SCUBE1: variants seen among roughly 807,000 people sequenced by gnomAD.
SCUBE1 encodes the protein signal peptide, CUB domain and EGF like domain containing 1, also known as signal peptide, CUB and EGF-like domain-containing protein 1.
SCUBE1 carries 59 observed loss-of-function variants against 124.4 expected under a neutral mutation model. That is an observed-to-expected ratio of 0.47 (90% CI 0.38 to 0.59). The LOEUF (loss-of-function observed/expected upper bound fraction) is 0.59, where lower values mean the gene tolerates loss of function less well. Ranked by LOEUF, SCUBE1 falls within the 20% of genes least tolerant of loss-of-function variation. The pLI is 0.00. For synonymous variants in SCUBE1, 545 were observed against 550.9 expected (o/e 0.99, Z 0.15); for missense variants, 1,150 against 1,371.2 (o/e 0.84, Z 2.55).
intron 21 of SCUBE1, among the ~76,000 whole-genome samples, chr22:43,205,557 C>T (rs1921194180): frequency 6.6e-6 from 1 of 151,772 alleles, no homozygotes; most frequent in African/African-American, 2.4e-5. Flanking sequence ...ACACACTCAT[C>T]TCTGTGTACA....
chr22:43,222,429 T>A (rs1922128933), intron 12 of SCUBE1, among the ~76,000 whole-genome samples: 1 of 151,880 alleles, frequency 6.6e-6, no homozygotes. Context: ...CCTCCCACGG[T>A]CCCCTGACCC....
rs903960136 is a variant in SCUBE1, at chr22:43,223,826, G to C, written c.1208-610C>G. On this transcript the variant is annotated intron_variant, in intron 10 of 21. Transcript: ENST00000360835. ...CACGCCTCTGAAAGCCACCTCATGA[G>C]TGACAGCCTCGCACTCTGGTCAGTC... Among the ~76,000 whole-genome samples, 3 of 152,224 alleles carry C rather than the reference G, an allele frequency of 2.0e-5. No individual in the cohort carries two copies. In the South Asian group the frequency reaches 6.2e-4, roughly 31 times the overall value.
chr22:43,247,650 C>T (rs1389252495), intron 6 of SCUBE1, among the ~76,000 whole-genome samples: 7 of 152,222 alleles, frequency 4.6e-5, no homozygotes, highest in Non-Finnish European at 8.8e-5. Flanking sequence ...ACCTGGCCCG[C>T]CCTTAGCTGG....
intron 7 of SCUBE1, 92 bp downstream of exon 7, chr22:43,238,746 C>T: frequency 9.6e-7 from 1 of 1,044,100 alleles, no homozygotes; most frequent in Non-Finnish European, 1.5e-6. Context: ...GGCCCCCGTT[C>T]AGCCCAGCCC....
Position 43,218,356 on chromosome 22 carries a change from TG to T in SCUBE1, c.1789del (p.Gln597ArgfsTer9). The T allele has an allele frequency of 6.2e-7, 1 of 1,613,516 alleles. No individual in the cohort carries two copies. The highest frequency in any genetic ancestry group is 8.5e-7 in the Non-Finnish European group (1 of 1,180,038). ...KSIGRQQFYVQVSGTEYEVAQ... is the reference protein window; with the variant it reads ...KSIGRQQFYVXVSGTEYEVAQ... ...TACCTCGTACTCAGTGCCTGAGACCTGGACATAGAACTGCTGCCGGCCGATG... is the reference window on the plus strand; with the variant it reads ...TACCTCGTACTCAGTGCCTGAGACCTGACATAGAACTGCTGCCGGCCGATG... On this transcript the variant is annotated frameshift_variant, in exon 15 of 22. Transcript: ENST00000360835. LOFTEE classifies it high-confidence loss of function.
intron 6 of SCUBE1, among the ~76,000 whole-genome samples, chr22:43,257,093 C>T (rs973911327): frequency 3.3e-5 from 5 of 152,200 alleles, no homozygotes; most frequent in Admixed American, 6.5e-5. Flanking sequence ...GGAGAGCCAC[C>T]GCAGGCAGCA....
chr22:43,338,466 A>T (rs1376231877), intron 2 of SCUBE1, among the ~76,000 whole-genome samples: 1 of 152,178 alleles, frequency 6.6e-6, no homozygotes, highest in African/African-American at 2.4e-5. Flanking sequence ...ACCCCCATAT[A>T]GCCAGTCAAG....
chr22:43,257,322 A>C (rs529978581), intron 6 of SCUBE1, among the ~76,000 whole-genome samples: 1 of 152,362 alleles, frequency 6.6e-6, no homozygotes, highest in Admixed American at 6.5e-5. Context: ...TAAAAAAAAA[A>C]TAACTGACTT....
At chr22:43,279,990 C>T (rs1342732444) in intron 4 of SCUBE1, among the ~76,000 whole-genome samples, 1 of 152,176 alleles carries the variant, frequency 6.6e-6, no homozygotes, top group Non-Finnish European at 1.5e-5. Context: ...TGAGCTTTTC[C>T]TCACTCAAGC....
chr22:43,231,030 C>A (rs1331030306), intron 8 of SCUBE1, among the ~76,000 whole-genome samples: 1 of 152,194 alleles, frequency 6.6e-6, no homozygotes, highest in Non-Finnish European at 1.5e-5. Flanking sequence ...ACATGGGGTG[C>A]CCCACCCCCT....
In SCUBE1 at chr22:43,238,931, C is replaced by T. The variant is rs1183712110; in HGVS notation, c.751G>A (p.Gly251Ser). 1 of 1,613,086 alleles carries T rather than the reference C, an allele frequency of 6.2e-7. No homozygotes were observed. Among genetic ancestry groups the T allele is most frequent in the Admixed American group, 1.7e-5 (1 of 60,024 alleles). ...GTGTCCTTGCATGTCCGGTCGCAGC[C>T]TCCGTTATTGACTGCGCACGTCTCT... ...CIETCAVNNGGCDRTCKDTAT... is the reference protein window; with the variant it reads ...CIETCAVNNGSCDRTCKDTAT... Residue 251 changes from glycine to serine, a missense_variant, in exon 7 of 22, where the codon GGC becomes AGC. Gly to Ser is a moderately conservative substitution (Grantham distance 56). Coordinates refer to ENST00000360835, the MANE Select transcript of SCUBE1 (RefSeq NM_173050.5).
At position 43,309,593 on chromosome 22, in the gene SCUBE1, C is replaced by T. The variant is rs546285952; in HGVS notation, c.349+10344G>A. On this transcript the variant is annotated intron_variant, in intron 3 of 21. Transcript: ENST00000360835. ...ATGTAGAAACCCTCACATTTTCCCCCGGGTTTGACTACAGACTTCTAAGCT... is the reference window on the plus strand; with the variant it reads ...ATGTAGAAACCCTCACATTTTCCCCTGGGTTTGACTACAGACTTCTAAGCT... Among the ~76,000 whole-genome samples, 11 of 152,282 alleles carry T rather than the reference C, an allele frequency of 7.2e-5. No individual in the cohort carries two copies. The South Asian group carries it at 8.3e-4, about 11-fold the overall frequency.
intron 1 of SCUBE1, among the ~76,000 whole-genome samples, chr22:43,341,772 TC>T (rs1003994082): frequency 2.0e-5 from 3 of 152,120 alleles, no homozygotes; most frequent in Non-Finnish European, 2.9e-5. Flanking sequence ...CACAGGCTGC[TC>T]CCTTTGACTC....
At chr22:43,231,619 T>C in intron 8 of SCUBE1, 134 bp downstream of exon 8, 2 of 1,103,362 alleles carry the variant, frequency 1.8e-6, no homozygotes, top group Non-Finnish European at 2.6e-6. Context: ...CCTAGAGTCG[T>C]AAAGGACCCC....
At chr22:43,309,887 A>T (rs577284917) in intron 3 of SCUBE1, among the ~76,000 whole-genome samples, 1 of 152,100 alleles carries the variant, frequency 6.6e-6, no homozygotes, top group Non-Finnish European at 1.5e-5. Context: ...TTCAACGACC[A>T]CTTCTCCCAC....
intron 2 of SCUBE1, among the ~76,000 whole-genome samples, chr22:43,334,003 C>T (rs1221308888): frequency 2.0e-5 from 3 of 152,170 alleles, no homozygotes; most frequent in Admixed American, 2.0e-4. Flanking sequence ...AGAGTCCATC[C>T]TTTATTCTTA....
intron 4 of SCUBE1, among the ~76,000 whole-genome samples, chr22:43,266,835 T>C (rs1924087589): frequency 6.6e-6 from 1 of 151,978 alleles, no homozygotes; most frequent in Non-Finnish European, 1.5e-5. Flanking sequence ...AGATGCTACG[T>C]CCCCTGAAGC....
intron 5 of SCUBE1, among the ~76,000 whole-genome samples, chr22:43,260,479 C>T (rs1447670412): frequency 6.6e-6 from 1 of 152,238 alleles, no homozygotes; most frequent in Non-Finnish European, 1.5e-5. Context: ...TCTTGAGCCA[C>T]AGAGGCTGCT....
chr22:43,300,132 T>A (rs1259124482), intron 3 of SCUBE1, among the ~76,000 whole-genome samples: 1 of 152,148 alleles, frequency 6.6e-6, no homozygotes, highest in East Asian at 1.9e-4. Flanking sequence ...CTCTCCTGGG[T>A]GGATACCTGG....
Sources: gnomAD v4.1 joint callset for allele counts (sites outside exome capture counted in the v4.1 genomes callset) on GRCh38, gnomAD v4.1.1 for gene constraint, MANE v1.5 for transcripts, NCBI Gene and HGNC (gene_info 2026-07-23, HGNC 2026-07-21) for gene names.